SLC12A8: variants seen among roughly 807,000 people sequenced by gnomAD.
The protein encoded by SLC12A8 is solute carrier family 12 member 8.
SLC12A8 carries 69 observed loss-of-function variants against 75.6 expected under a neutral mutation model. The observed-to-expected ratio is 0.91, with a 90% CI of 0.75 to 1.11. The LOEUF is 1.11. Ranked by LOEUF, SLC12A8 falls within the 50% of genes most tolerant of loss-of-function variation. The pLI is 0.00. For synonymous variants in SLC12A8, 365 were observed against 372.8 expected (o/e 0.98, Z 0.24); for missense variants, 877 against 896.7 (o/e 0.98, Z 0.28).
intron 8 of SLC12A8, among the ~76,000 whole-genome samples, chr3:125,112,158 T>C (rs1939204000): frequency 6.6e-6 from 1 of 152,210 alleles, no homozygotes; most frequent in Non-Finnish European, 1.5e-5. Context: ...AACCCCCAAA[T>C]GGTCAGGAAG....
intron 5 of SLC12A8, among the ~76,000 whole-genome samples, chr3:125,161,342 T>C (rs796895118): frequency 2.6e-5 from 4 of 152,358 alleles, no homozygotes; most frequent in African/African-American, 7.2e-5. Context: ...TAGAAATCCA[T>C]ATTCCTATTT....
At chr3:125,210,558 G>A (rs671064) in intron 2 of SLC12A8, among the ~76,000 whole-genome samples, 98,379 of 152,084 alleles carry the variant, frequency 0.65, 34,021 homozygotes, top group African/African-American at 0.9. Flanking sequence ...CACATTTTCT[G>A]TCTGGGTTTC....
rs149121053 is a variant in SLC12A8 at position 125,154,485 on chromosome 3, A to T, written c.623-18703T>A. Among the ~76,000 whole-genome samples, 605 of 152,288 alleles carry T rather than the reference A, an allele frequency of 4.0e-3. 26 individuals are homozygous for T. Among genetic ancestry groups the T allele is most frequent in the Admixed American group, 0.038 (578 of 15,294 alleles). On this transcript the variant is annotated intron_variant, in intron 5 of 13. Coordinates refer to ENST00000469902, the MANE Select transcript of SLC12A8 (RefSeq NM_024628.6). Reference sequence around the variant, plus strand: ...ACAATAACACACAGGGACTCCATAGATAGGATATAGTGAGATGTATAATGC... The same window carrying T: ...ACAATAACACACAGGGACTCCATAGTTAGGATATAGTGAGATGTATAATGC...
At chr3:125,211,521 C>A in intron 1 of SLC12A8, 127 bp from the exon 2 acceptor site, 2 of 653,294 alleles carry the variant, frequency 3.1e-6, no homozygotes, top group Non-Finnish European at 2.8e-6. Flanking sequence ...GAAACCTTGT[C>A]TACCTCATCT....
chr3:125,185,269 G>A (rs938017527), intron 4 of SLC12A8, among the ~76,000 whole-genome samples: 23 of 151,680 alleles, frequency 1.5e-4, no homozygotes, highest in Non-Finnish European at 2.6e-4. Context: ...GTGGTGAGCC[G>A]AGATCACGCC....
At chr3:125,146,305 C>T (rs773061891) in intron 5 of SLC12A8, among the ~76,000 whole-genome samples, 5 of 152,072 alleles carry the variant, frequency 3.3e-5, no homozygotes, top group African/African-American at 9.7e-5. Flanking sequence ...TTAGTGGGGG[C>T]GGAGTTTCTG....
chr3:125,088,445 T>A, intron 12 of SLC12A8, 75 bp from the exon 13 acceptor site: 1 of 1,292,492 alleles, frequency 7.7e-7, no homozygotes, highest in South Asian at 1.2e-5. Context: ...TTTAATAGGG[T>A]GAATGCAAAC....
intron 5 of SLC12A8, among the ~76,000 whole-genome samples, chr3:125,145,769 T>C (rs1211041700): frequency 1.3e-5 from 2 of 152,256 alleles, no homozygotes; most frequent in African/African-American, 4.8e-5. Context: ...AATTATATTA[T>C]AATAAAAGTT....
At chr3:125,153,592 G>A (rs1933982325) in intron 5 of SLC12A8, among the ~76,000 whole-genome samples, 1 of 152,102 alleles carries the variant, frequency 6.6e-6, no homozygotes, top group Non-Finnish European at 1.5e-5. Flanking sequence ...CCCTGGCTGG[G>A]CAGCCCACTG....
Position 125,129,792 on chromosome 3 carries a change from G to A in SLC12A8, c.736+5877C>T, listed in dbSNP as rs6802362. Among the ~76,000 whole-genome samples the A allele has an allele frequency of 8.5e-5, 13 of 152,242 alleles. 1 individual carries two copies. Among genetic ancestry groups the A allele is most frequent in the South Asian group, 2.1e-4 (1 of 4,824 alleles). ...CATCCATGCTTTTCATAGCTTAACCGAACATCTGCCAGGAGACAGCAAGTC... is the reference window on the plus strand; with the variant it reads ...CATCCATGCTTTTCATAGCTTAACCAAACATCTGCCAGGAGACAGCAAGTC... On this transcript the variant is annotated intron_variant, in intron 6 of 13. Coordinates refer to ENST00000469902, the MANE Select transcript of SLC12A8 (RefSeq NM_024628.6).
At chr3:125,199,573 C>T (rs1474126415) in intron 2 of SLC12A8, among the ~76,000 whole-genome samples, 1 of 143,980 alleles carries the variant, frequency 6.9e-6, no homozygotes, top group Non-Finnish European at 1.5e-5. Flanking sequence ...CAAACCCCTT[C>T]TCTAGAAGAA....
At position 125,093,767 on chromosome 3, in the gene SLC12A8, C is replaced by T. The variant is rs1938643169; in HGVS notation, c.1706-1569G>A. 2.0e-5 allele frequency among the ~76,000 whole-genome samples: 3 copies of T among 152,158 alleles called. 1 individual carries two copies. Among genetic ancestry groups the T allele is most frequent in the Admixed American group, 2.0e-4 (3 of 15,280 alleles). On this transcript the variant is annotated intron_variant, in intron 10 of 13. Coordinates refer to ENST00000469902, the MANE Select transcript of SLC12A8 (RefSeq NM_024628.6). ...AGGGCTTGGCATGTAGCAGAACTCA[C>T]TAAGTATTCCTAGCCCAAGTCTCCC...
chr3:125,190,607 G>T, intron 2 of SLC12A8, 86 bp from the exon 3 acceptor site: 1 of 1,495,678 alleles, frequency 6.7e-7, no homozygotes, highest in Non-Finnish European at 9.2e-7. Context: ...GAGGGAGGTA[G>T]GAGAACTCAG....
intron 6 of SLC12A8, chr3:125,125,952 C>T (rs1933196026): frequency 1.0e-6 from 1 of 984,468 alleles, no homozygotes; most frequent in East Asian, 1.1e-4. Context: ...ATCACCAGCT[C>T]CTAATCTCTA....
intron 10 of SLC12A8, among the ~76,000 whole-genome samples, chr3:125,092,887 A>C (rs772895157): frequency 2.0e-4 from 30 of 152,098 alleles, no homozygotes; most frequent in Non-Finnish European, 3.7e-4. Flanking sequence ...AATAATAATA[A>C]TTTTTTAATG....
chr3:125,168,849 T>A (rs1343835637), intron 5 of SLC12A8, among the ~76,000 whole-genome samples: 1 of 152,014 alleles, frequency 6.6e-6, no homozygotes, highest in African/African-American at 2.4e-5. Flanking sequence ...ACAAGCCCCC[T>A]CCCTCACCCA....
At chr3:125,137,228 A>AT (rs201412415) in intron 5 of SLC12A8, among the ~76,000 whole-genome samples, 5 of 152,218 alleles carry the variant, frequency 3.3e-5, no homozygotes, top group Admixed American at 6.5e-5. Flanking sequence ...TAAGAAAAAT[A>AT]TTTTTTTTAA....
Position 125,107,710 on chromosome 3 carries a change from T to C in SLC12A8, c.1476A>G (p.Lys492=), listed in dbSNP as rs1432667645. The change falls in exon 10 of 14, where the codon AAA becomes AAG. Residue 492 remains lysine, a synonymous_variant. Coordinates refer to ENST00000469902, the MANE Select transcript of SLC12A8 (RefSeq NM_024628.6). ...GNRTPESQKR[K]SKKATKQTLQ... ...GGGTCTGCTTGGTGGCCTTCTTGCT[T>C]TTCCTCTTCTGACTTTCTGGGGTCC... The C allele has an allele frequency of 6.2e-7, 1 of 1,614,116 alleles. No homozygotes were observed. Among genetic ancestry groups the C allele is most frequent in the South Asian group, 1.1e-5 (1 of 91,078 alleles).
intron 6 of SLC12A8, among the ~76,000 whole-genome samples, chr3:125,131,991 A>G (rs1447525257): frequency 6.6e-6 from 1 of 152,132 alleles, no homozygotes; most frequent in Non-Finnish European, 1.5e-5. Flanking sequence ...AGGGTTCCCA[A>G]TCTCAGATTT....
Sources: gnomAD v4.1 joint callset for allele counts (sites outside exome capture counted in the v4.1 genomes callset) on GRCh38, gnomAD v4.1.1 for gene constraint, MANE v1.5 for transcripts, NCBI Gene and HGNC (gene_info 2026-07-23, HGNC 2026-07-21) for gene names.